The following MYOM2 variants were observed in gnomAD, a reference collection of about 807,000 sequenced individuals.
The protein encoded by MYOM2 is myomesin-2.
MYOM2 carries 254 observed loss-of-function variants against 187.6 expected under a neutral mutation model. That is an observed-to-expected ratio of 1.35 (90% CI 1.22 to 1.50). The LOEUF (loss-of-function observed/expected upper bound fraction) is 1.50, where lower values mean the gene tolerates loss of function less well. MYOM2 is among the 40% of genes most tolerant of loss of function. The pLI, the probability that MYOM2 is intolerant of heterozygous loss-of-function variation, is 0.00. For missense variants in MYOM2, 2,796 were observed against 1,924.0 expected (o/e 1.45, Z -8.48); for synonymous variants, 981 against 753.8 (o/e 1.30, Z -4.94).
rs199897852 is a variant in MYOM2 at position 2,057,696 on chromosome 8, G to A, written c.476G>A (p.Arg159Gln). The A allele has an allele frequency of 3.0e-4, 480 of 1,613,968 alleles. 2 individuals carry two copies. The highest frequency in any genetic ancestry group is 3.7e-4 in the Non-Finnish European group (441 of 1,180,034). ...RISRAPEILVRLRSHTVWERM... is the reference protein window; with the variant it reads ...RISRAPEILVQLRSHTVWERM... The stretch of plus-strand genomic sequence containing the variant: ...AGCAGGGCTCCTGAGATCCTGGTGC[G>A]GCTGCGATCCCACACCGTCTGGGAG... The change falls in exon 5 of 37, where the codon CGG (arginine) becomes CAG (glutamine). Residue 159 changes from arginine to glutamine, a missense_variant. Coordinates refer to ENST00000262113, the MANE Select transcript of MYOM2 (RefSeq NM_003970.4).
rs541393873 is a variant in MYOM2 at position 2,056,456 on chromosome 8, G to A, written c.264-892G>A. Reference sequence around the variant, plus strand: ...AGAGCATGGAGGCAGGCCAGGCCTGGCCGTGTTGGGGTGCGATTTGTGGGG... The same window carrying A: ...AGAGCATGGAGGCAGGCCAGGCCTGACCGTGTTGGGGTGCGATTTGTGGGG... On this transcript the variant is annotated intron_variant, in intron 3 of 36. Transcript: ENST00000262113. Among the ~76,000 whole-genome samples the A allele has an allele frequency of 3.3e-5, 5 of 152,034 alleles. No homozygotes were observed. The South Asian group carries it at 1.0e-3, about 32-fold the overall frequency.
intron 31 of MYOM2, 123 bp from the exon 32 acceptor site, chr8:2,129,004 T>G: frequency 6.5e-6 from 4 of 619,414 alleles, no homozygotes; most frequent in African/African-American, 3.7e-5. Context: ...GCCGACTTTA[T>G]GAGAGACACA....
chr8:2,066,989 C>T (rs1284580229), intron 6 of MYOM2, among the ~76,000 whole-genome samples: 1 of 152,190 alleles, frequency 6.6e-6, no homozygotes, highest in African/African-American at 2.4e-5. Flanking sequence ...TCTACCCAGA[C>T]TGGGCTCTGG....
intron 9 of MYOM2, among the ~76,000 whole-genome samples, 155 bp downstream of exon 9, chr8:2,072,664 C>G (rs1025928184): frequency 6.6e-6 from 1 of 152,216 alleles, no homozygotes; most frequent in Admixed American, 6.5e-5. Flanking sequence ...CTTGGTGGCC[C>G]ACCGTTCGCC....
intron 8 of MYOM2, among the ~76,000 whole-genome samples, chr8:2,070,726 A>G (rs3779852): frequency 0.023 from 3,439 of 152,364 alleles, 47 homozygotes; most frequent in East Asian, 0.053. Flanking sequence ...TGTTTGACAG[A>G]GGGAAATATC....
At chr8:2,057,998 GTTTTTTTTTTTTTTTTTTTTTTTTTT>G (rs572901199) in intron 5 of MYOM2, among the ~76,000 whole-genome samples, 4 of 80,716 alleles carry the variant, frequency 5.0e-5, no homozygotes, top group East Asian at 4.3e-4. Flanking sequence ...TTTTCAGAGG[GTTTTTTTTTTTTTTTTTTTTTTTTTT>G]TTTTTTTTTT....
intron 32 of MYOM2, among the ~76,000 whole-genome samples, chr8:2,139,756 C>G (rs909528965): frequency 3.3e-5 from 5 of 152,188 alleles, no homozygotes; most frequent in Non-Finnish European, 1.5e-5. Context: ...TTCCACAGAT[C>G]TCTCAGGCTC....
At chr8:2,075,530 G>A (rs77358769) in intron 10 of MYOM2, among the ~76,000 whole-genome samples, 6,703 of 152,262 alleles carry the variant, frequency 0.044, 422 homozygotes, top group African/African-American at 0.14. Flanking sequence ...GCGTCACAGG[G>A]CAGCCAGGGC....
Position 2,115,943 on chromosome 8 carries a change from C to G in MYOM2, c.3181-17C>G. The G allele has an allele frequency of 6.2e-7, 1 of 1,604,266 alleles. No homozygotes were observed. The highest frequency in any genetic ancestry group is 8.5e-7 in the Non-Finnish European group (1 of 1,177,366). On this transcript the variant is annotated splice_polypyrimidine_tract_variant and intron_variant, in intron 25 of 36. Transcript: ENST00000262113. ...ATTTCCTTGTATAATTCTCCATTTC[C>G]CTTGTTTTGCTTGCAGATACACAGA...
intron 8 of MYOM2, 80 bp from the exon 9 acceptor site, chr8:2,072,265 C>T (rs1259646587): frequency 5.0e-5 from 48 of 954,552 alleles, no homozygotes; most frequent in Non-Finnish European, 6.4e-5. Flanking sequence ...AAGATGCTCT[C>T]TGCCCTTCGG....
chr8:2,134,227 CCT>C (rs993791575), intron 32 of MYOM2, among the ~76,000 whole-genome samples: 134 of 152,110 alleles, frequency 8.8e-4, no homozygotes, highest in African/African-American at 2.9e-3. Context: ...TGGTTTCCCC[CCT>C]GTCTAGGACA....
chr8:2,093,472 A>T (rs1312739356), intron 16 of MYOM2, among the ~76,000 whole-genome samples: 1 of 152,290 alleles, frequency 6.6e-6, no homozygotes, highest in African/African-American at 2.4e-5. Context: ...TGGGGTGGGA[A>T]TTATCATCCC....
chr8:2,096,985 G>T (rs143090977), intron 18 of MYOM2: 1 of 298,816 alleles, frequency 3.3e-6, no homozygotes, highest in Non-Finnish European at 5.0e-6. Context: ...CACCCCCTTG[G>T]CAGCCATTGC....
At chr8:2,055,517 C>T (rs887138974) in intron 3 of MYOM2, among the ~76,000 whole-genome samples, 1 of 151,708 alleles carries the variant, frequency 6.6e-6, no homozygotes, top group Non-Finnish European at 1.5e-5. Flanking sequence ...GTGGTCGGAG[C>T]GGGGACAGGG....
intron 32 of MYOM2, among the ~76,000 whole-genome samples, chr8:2,130,263 G>A (rs925862289): frequency 4.5e-5 from 6 of 132,540 alleles, no homozygotes; most frequent in Non-Finnish European, 3.1e-5. Flanking sequence ...TTTAGTTAAC[G>A]CCCGTCAGTA....
At chr8:2,085,585 C>T (rs1405482030) in intron 14 of MYOM2, among the ~76,000 whole-genome samples, 195 bp downstream of exon 14, 1,355 of 3,566 alleles carry the variant, frequency 0.38, 566 homozygotes, top group Non-Finnish European at 0.45. Flanking sequence ...GTTGTGATCT[C>T]TGCGTGGCCC....
chr8:2,104,238 C>A (rs1185330307), intron 21 of MYOM2, among the ~76,000 whole-genome samples: 1 of 152,186 alleles, frequency 6.6e-6, no homozygotes, highest in Non-Finnish European at 1.5e-5. Flanking sequence ...AGGCAGGACA[C>A]ACACTCATAG....
rs201806093 is a variant in MYOM2, at chr8:2,078,826, C to G, written c.1355C>G (p.Ser452Cys). 1.2e-6 allele frequency: 2 copies of G among 1,614,126 alleles called. No homozygotes were observed. The highest frequency in any genetic ancestry group is 1.3e-5 in the African/African-American group (1 of 75,034). The change falls in exon 12 of 37, where the codon TCT becomes TGT. Residue 452 changes from serine to cysteine, a missense_variant. Coordinates refer to ENST00000262113, the MANE Select transcript of MYOM2 (RefSeq NM_003970.4). ...GTCACAGGGCTTTTTGAAGGAAGGT[C>G]TTACATATTCCGAGTGAGGGCAGTG... ...YPVTGLFEGR[S>C]YIFRVRAVNS...
chr8:2,090,245 C>G lies in MYOM2; in HGVS notation c.1828+54C>G, dbSNP rs2116729554. 3 of 1,524,778 alleles carry G rather than the reference C, an allele frequency of 2.0e-6. No individual in the cohort carries two copies. The Admixed American group carries it at 5.5e-5, about 28-fold the overall frequency. 94.5% of individuals were successfully genotyped at this position (1,524,778 alleles called of 1,614,324 possible). On this transcript the variant is annotated intron_variant, in intron 15 of 36. Coordinates refer to ENST00000262113, the MANE Select transcript of MYOM2 (RefSeq NM_003970.4). The stretch of plus-strand genomic sequence containing the variant: ...TCAGGATGGACTAAGAGTGGGGTGA[C>G]ACCAAATAGCCTTAAATTGTGTGAA...
Sources: allele counts gnomAD v4.1 joint callset (sites outside exome capture counted in the v4.1 genomes callset), GRCh38; gene constraint gnomAD v4.1.1; transcripts MANE v1.5; gene names NCBI Gene and HGNC (gene_info 2026-07-23, HGNC 2026-07-21).